The following NCAPD3 variants were observed in gnomAD, a reference collection of about 807,000 sequenced individuals.
NCAPD3 encodes non-SMC condensin II complex subunit D3.
Under a neutral mutation model 182.9 loss-of-function variants are expected in NCAPD3, and 105 were observed. The ratio of observed to expected loss-of-function variants is 0.57; its 90% CI spans 0.49 to 0.68. The LOEUF is 0.68. Among genes scored for constraint, NCAPD3 ranks in the 30% least tolerant of loss-of-function variants. The pLI, the probability that NCAPD3 is intolerant of heterozygous loss-of-function variation, is 0.00. For synonymous variants in NCAPD3, 815 were observed against 679.9 expected, an observed-to-expected ratio of 1.20 and a Z score of -3.09; for missense variants, 1,944 against 1,837.0, an observed-to-expected ratio of 1.06 and a Z score of -1.07.
chr11:134,207,520 G>A (rs1937648185), intron 7 of NCAPD3, among the ~76,000 whole-genome samples: 1 of 152,008 alleles, frequency 6.6e-6, no homozygotes, highest in African/African-American at 2.4e-5. Flanking sequence ...AACCAAGGAG[G>A]GTGGATCACG....
At chr11:134,186,563 G>A (rs1944409782) in intron 16 of NCAPD3, among the ~76,000 whole-genome samples, 1 of 152,170 alleles carries the variant, frequency 6.6e-6, no homozygotes, top group South Asian at 2.1e-4. Flanking sequence ...CCAAGTCACT[G>A]AATGGGATCA....
chr11:134,225,177 G>T (rs1200836115), upstream of NCAPD3: 1 of 1,614,112 alleles, frequency 6.2e-7, no homozygotes, highest in African/African-American at 1.3e-5. Flanking sequence ...TCTGAACGAT[G>T]CAGAGAGTAG....
At chr11:134,218,111 G>A (rs139715441) in intron 2 of NCAPD3, among the ~76,000 whole-genome samples, 407 of 28,710 alleles carry the variant, frequency 0.014, 4 homozygotes, top group African/African-American at 0.028. Context: ...AAAAAAAAAA[G>A]GGGGGGGGGG....
chr11:134,187,184 G>A (rs895659285), intron 16 of NCAPD3, among the ~76,000 whole-genome samples: 16 of 152,110 alleles, frequency 1.1e-4, no homozygotes, highest in African/African-American at 3.1e-4. Flanking sequence ...CAAAACCAAC[G>A]GCCATGCTTC....
intron 24 of NCAPD3, among the ~76,000 whole-genome samples, chr11:134,171,502 G>C (rs948441014): frequency 6.6e-6 from 1 of 152,112 alleles, no homozygotes; most frequent in Non-Finnish European, 1.5e-5. Context: ...GCAGACTCAA[G>C]AGTTCATGCT....
At chr11:134,156,926 C>T in intron 32 of NCAPD3, 92 bp downstream of exon 32, 1 of 1,125,670 alleles carries the variant, frequency 8.9e-7, no homozygotes, top group Non-Finnish European at 1.3e-6. Flanking sequence ...AACTATCCTG[C>T]ACCGGAAGGA....
At chr11:134,225,146 G>C, upstream of NCAPD3, 6 of 1,611,766 alleles carry the variant, frequency 3.7e-6, no homozygotes, top group Non-Finnish European at 5.1e-6. Flanking sequence ...GCTTCGGGCA[G>C]AGCGTGGAGG....
At chr11:134,198,176 A>T (rs1944676233) in intron 13 of NCAPD3, among the ~76,000 whole-genome samples, 1 of 152,206 alleles carries the variant, frequency 6.6e-6, no homozygotes, top group African/African-American at 2.4e-5. Context: ...ATTAACATCA[A>T]CACAGTCTTT....
At chr11:134,202,555 T>C (rs900011617) in intron 13 of NCAPD3, among the ~76,000 whole-genome samples, 1 of 151,816 alleles carries the variant, frequency 6.6e-6, no homozygotes, top group Non-Finnish European at 1.5e-5. Context: ...TTTTTATATA[T>C]ATTTTTTAAG....
chr11:134,187,255 C>T (rs1394427898), intron 16 of NCAPD3, among the ~76,000 whole-genome samples: 1 of 152,220 alleles, frequency 6.6e-6, no homozygotes, highest in East Asian at 1.9e-4. Context: ...AGACTCTGGT[C>T]CACCAGTTGG....
chr11:134,210,159 A>G, intron 4 of NCAPD3, 111 bp downstream of exon 4: 1 of 874,666 alleles, frequency 1.1e-6, no homozygotes, highest in Non-Finnish European at 1.8e-6. Flanking sequence ...ATGGTTTAGG[A>G]CCATTTGCCT....
intron 22 of NCAPD3, chr11:134,177,889 T>TTCTC (rs1944208310): frequency 6.5e-6 from 1 of 154,246 alleles, no homozygotes; most frequent in Non-Finnish European, 1.4e-5. Flanking sequence ...TCCCCTTTCT[T>TTCTC]TCTTTCTTTC....
At chr11:134,158,559 T>A (rs762766945) in intron 29 of NCAPD3, 64 bp from the exon 30 acceptor site, 1 of 1,520,408 alleles carries the variant, frequency 6.6e-7, no homozygotes, top group Admixed American at 1.7e-5. Context: ...AACGGATATA[T>A]GATAGTTGTA....
intron 19 of NCAPD3, among the ~76,000 whole-genome samples, chr11:134,182,173 T>C (rs1944312802): frequency 6.6e-6 from 1 of 152,184 alleles, no homozygotes; most frequent in African/African-American, 2.4e-5. Flanking sequence ...AGTTTCGGTA[T>C]CACAGAATCT....
At chr11:134,171,243 G>A (rs561731429) in intron 24 of NCAPD3, among the ~76,000 whole-genome samples, 11 of 152,120 alleles carry the variant, frequency 7.2e-5, no homozygotes, top group Non-Finnish European at 1.5e-4. Context: ...CGAGCTGCAC[G>A]AATTATATGG....
intron 2 of NCAPD3, among the ~76,000 whole-genome samples, chr11:134,218,346 A>G (rs181190606): frequency 1.3e-5 from 2 of 151,894 alleles, no homozygotes; most frequent in African/African-American, 2.4e-5. Flanking sequence ...ACCCCGTCCA[A>G]TCAGCTCTCC....
Position 134,161,774 on chromosome 11 carries a change from C to A in NCAPD3, c.3684+7G>T. 6.6e-7 allele frequency: 1 copy of A among 1,512,726 alleles called. No homozygotes were observed. Among genetic ancestry groups the A allele is most frequent in the Non-Finnish European group, 9.2e-7 (1 of 1,092,464 alleles). 93.7% of individuals were successfully genotyped at this position (1,512,726 alleles called of 1,614,324 possible). A position where few individuals can be genotyped will look rare whatever the true frequency, so the allele number is the denominator to read the frequency against. Reference sequence around the variant, plus strand: ...AACAACCACAAAAGCACAGGCTCCACCCTTACCCTGAGATAGTGCATGAGT... The same window carrying A: ...AACAACCACAAAAGCACAGGCTCCAACCTTACCCTGAGATAGTGCATGAGT... On this transcript the variant is annotated splice_region_variant and intron_variant, in intron 28 of 34. Coordinates refer to ENST00000534548, the MANE Select transcript of NCAPD3 (RefSeq NM_015261.3).
intron 31 of NCAPD3, among the ~76,000 whole-genome samples, chr11:134,157,534 C>A (rs772064895): frequency 6.6e-6 from 1 of 152,174 alleles, no homozygotes; most frequent in African/African-American, 2.4e-5. Context: ...TGCTATAAAG[C>A]CACTGAAAGC....
rs571943774 is a variant in NCAPD3, at chr11:134,167,611, A to G, written c.3573+385T>C. 7.7e-4 allele frequency among the ~76,000 whole-genome samples: 69 copies of G among 89,690 alleles called. 1 individual carries two copies. The highest frequency in any genetic ancestry group is 2.4e-3 in the African/African-American group (53 of 21,852). The allele number at this position is 89,690 out of a possible 152,430, so 58.8% of individuals were successfully genotyped here. A position where few individuals can be genotyped will look rare whatever the true frequency, so the allele number is the denominator to read the frequency against. On this transcript the variant is annotated intron_variant, in intron 27 of 34. Coordinates refer to ENST00000534548, the MANE Select transcript of NCAPD3 (RefSeq NM_015261.3). The stretch of plus-strand genomic sequence containing the variant: ...GGGGAGGGGCACACTCACTAGTGAG[A>G]TGAGCTTGGGGGAGGGGCACACTAG...
Sources: gnomAD v4.1 joint callset for allele counts (sites outside exome capture counted in the v4.1 genomes callset) on GRCh38, gnomAD v4.1.1 for gene constraint, MANE v1.5 for transcripts, NCBI Gene and HGNC (gene_info 2026-07-23, HGNC 2026-07-21) for gene names.